The following DCLK1 variants were observed in gnomAD, a reference collection of about 807,000 sequenced individuals.
DCLK1 encodes the protein doublecortin like kinase 1, also known as serine/threonine-protein kinase DCLK1.
DCLK1 carries 16 observed loss-of-function variants against 86.2 expected under a neutral mutation model. The observed-to-expected ratio is 0.19, with a 90% CI of 0.13 to 0.28. The LOEUF (loss-of-function observed/expected upper bound fraction) is 0.28, where lower values mean the gene tolerates loss of function less well. Among genes scored for constraint, DCLK1 ranks in the 10% least tolerant of loss-of-function variants. The probability of loss-of-function intolerance (pLI) is 1.00; values close to 1 mark genes in which losing one functional copy is unlikely to be tolerated. For missense variants in DCLK1, 590 were observed against 940.2 expected, an observed-to-expected ratio of 0.63 and a Z score of 4.87; for synonymous variants, 369 against 370.5, an observed-to-expected ratio of 1.00 and a Z score of 0.05.
chr13:36,044,568 T>C (rs545867204), intron 3 of DCLK1, among the ~76,000 whole-genome samples: 5 of 152,154 alleles, frequency 3.3e-5, no homozygotes, highest in East Asian at 1.9e-4. Flanking sequence ...AAGAAACAGA[T>C]AGGTACATAG....
chr13:35,864,257 C>A lies in DCLK1; in HGVS notation c.940+6967G>T, dbSNP rs576853493. ...GACAGAGATTCTAAATACAGGGTAT[C>A]ATTCTATGATAAAAAGTTGGCTATC... On this transcript the variant is annotated intron_variant, in intron 5 of 16. Coordinates refer to ENST00000360631, the MANE Select transcript of DCLK1 (RefSeq NM_001330071.2). 1.9e-4 allele frequency among the ~76,000 whole-genome samples: 29 copies of A among 152,234 alleles called. 1 individual carries two copies. The South Asian group carries it at 5.0e-3, about 26-fold the overall frequency.
At chr13:35,825,540 C>T (rs904829723) in intron 10 of DCLK1, among the ~76,000 whole-genome samples, 28 of 152,162 alleles carry the variant, frequency 1.8e-4, no homozygotes, top group African/African-American at 6.3e-4. Context: ...TAAGCCTTTG[C>T]CATCTTGAAA....
At chr13:36,067,224 A>C (rs1883788345) in intron 3 of DCLK1, among the ~76,000 whole-genome samples, 2 of 136,416 alleles carry the variant, frequency 1.5e-5, no homozygotes, top group Admixed American at 1.5e-4. Context: ...AATACTATGC[A>C]GCCATAAAAA....
intron 15 of DCLK1, among the ~76,000 whole-genome samples, chr13:35,799,515 T>G (rs2086878662): frequency 6.6e-6 from 1 of 152,138 alleles, no homozygotes; most frequent in African/African-American, 2.4e-5. Flanking sequence ...CCTCCCAAAG[T>G]GCTGGGATTA....
intron 3 of DCLK1, among the ~76,000 whole-genome samples, chr13:36,007,647 A>G (rs1437804608): frequency 6.6e-6 from 1 of 152,240 alleles, no homozygotes; most frequent in East Asian, 1.9e-4. Context: ...TCTATTCCCT[A>G]AAATAATATT....
chr13:35,985,535 T>C (rs1879859770), intron 3 of DCLK1, among the ~76,000 whole-genome samples: 1 of 152,220 alleles, frequency 6.6e-6, no homozygotes, highest in Non-Finnish European at 1.5e-5. Context: ...CTGCGGAGTC[T>C]GTTTATTTTG....
At chr13:35,909,597 ATGTGTGTGTGTGTGTG>A (rs57044533) in intron 4 of DCLK1, among the ~76,000 whole-genome samples, 2,837 of 146,134 alleles carry the variant, frequency 0.019, 81 homozygotes, top group African/African-American at 0.056. Context: ...CTGTGTGCAT[ATGTGTGTGTGTGTGTG>A]TGTGTGTGTG....
intron 3 of DCLK1, among the ~76,000 whole-genome samples, chr13:36,097,948 C>T (rs747129099): frequency 5.3e-5 from 8 of 152,114 alleles, no homozygotes; most frequent in Non-Finnish European, 8.8e-5. Context: ...TGTCAGTCTG[C>T]CTTGACCAGG....
At chr13:35,932,582 T>C (rs1566608741) in intron 4 of DCLK1, among the ~76,000 whole-genome samples, 1 of 152,138 alleles carries the variant, frequency 6.6e-6, no homozygotes, top group Non-Finnish European at 1.5e-5. Context: ...TAACGTCTTA[T>C]ATGGATGGCA....
chr13:36,095,251 G>A (rs1329508064), intron 3 of DCLK1, among the ~76,000 whole-genome samples: 1 of 151,340 alleles, frequency 6.6e-6, no homozygotes, highest in Non-Finnish European at 1.5e-5. Flanking sequence ...TGTCGCCCAG[G>A]CTAGAGTGCC....
intron 2 of DCLK1, among the ~76,000 whole-genome samples, chr13:36,112,788 C>A (rs1331736808): frequency 6.6e-6 from 1 of 152,188 alleles, no homozygotes; most frequent in Admixed American, 6.5e-5. Flanking sequence ...TCCACACATA[C>A]TATAAGGTCA....
chr13:35,933,466 C>T (rs1315096922), intron 4 of DCLK1, among the ~76,000 whole-genome samples: 1 of 152,240 alleles, frequency 6.6e-6, no homozygotes, highest in Non-Finnish European at 1.5e-5. Flanking sequence ...CCTGCTCCTG[C>T]AGTAAACTTG....
At chr13:35,832,926 A>T (rs899753801) in intron 8 of DCLK1, among the ~76,000 whole-genome samples, 1 of 152,314 alleles carries the variant, frequency 6.6e-6, no homozygotes, top group Non-Finnish European at 1.5e-5. Flanking sequence ...GCATCCTCCA[A>T]ATTCCAGTTC....
rs552615575 is a variant in DCLK1 at position 36,028,500 on chromosome 13, G to A, written c.724-81043C>T. ...TGTTCCATACCCACTGAACTTCCTC[G>A]TTTCCTTTGCCTTGCTTCCTCCCGC... On this transcript the variant is annotated intron_variant, in intron 3 of 16. Coordinates refer to ENST00000360631, the MANE Select transcript of DCLK1 (RefSeq NM_001330071.2). 2.2e-4 allele frequency among the ~76,000 whole-genome samples: 34 copies of A among 152,222 alleles called. No homozygotes were observed. In the South Asian group the frequency reaches 4.4e-3, roughly 20 times the overall value.
chr13:35,910,518 T>C (rs1482523142), intron 4 of DCLK1, among the ~76,000 whole-genome samples: 2 of 152,240 alleles, frequency 1.3e-5, no homozygotes, highest in Admixed American at 1.3e-4. Context: ...TTTTCCTTCC[T>C]ATGCTGGAAA....
In DCLK1 at chr13:36,039,484, A is replaced by AT. The variant is rs1286512813; in HGVS notation, c.723+72384dup. On this transcript the variant is annotated intron_variant, in intron 3 of 16. Coordinates refer to ENST00000360631, the MANE Select transcript of DCLK1 (RefSeq NM_001330071.2). ...TCTTCAAAATGTGCGAACATCGGTG[A>AT]TTTTTTTTCAGCACCACTTTCTTCT... is the stretch of plus-strand genomic sequence containing the variant. Among the ~76,000 whole-genome samples, 4 of 152,196 alleles carry AT rather than the reference A, an allele frequency of 2.6e-5. No homozygotes were observed. In the East Asian group the frequency reaches 5.8e-4, roughly 22 times the overall value.
intron 4 of DCLK1, among the ~76,000 whole-genome samples, chr13:35,882,146 C>T (rs1376784564): frequency 6.6e-6 from 1 of 152,134 alleles, no homozygotes; most frequent in East Asian, 1.9e-4. Flanking sequence ...GAATGGAATC[C>T]GTTCCTTGTC....
At chr13:35,806,763 C>G (rs2087035589) in intron 14 of DCLK1, among the ~76,000 whole-genome samples, 1 of 152,174 alleles carries the variant, frequency 6.6e-6, no homozygotes, top group Non-Finnish European at 1.5e-5. Context: ...TGTGAGCCCT[C>G]AGATCCTGCA....
intron 3 of DCLK1, among the ~76,000 whole-genome samples, chr13:35,958,131 A>ACTATAACCATCACCACCATCACCG: frequency 2.0e-5 from 1 of 49,692 alleles, no homozygotes; most frequent in East Asian, 5.0e-4. Context: ...CACTACCACT[A>ACTATAACCATCACCACCATCACCG]CTATAACCAC....
Sources: gnomAD v4.1 joint callset for allele counts (sites outside exome capture counted in the v4.1 genomes callset) on GRCh38, gnomAD v4.1.1 for gene constraint, MANE v1.5 for transcripts, NCBI Gene and HGNC (gene_info 2026-07-23, HGNC 2026-07-21) for gene names.